The following NF2 variants were observed in gnomAD, a reference collection of about 807,000 sequenced individuals.
NF2 encodes the protein merlin.
A neutral mutation model predicts 83.7 loss-of-function variants in NF2; 8 were observed. That is an observed-to-expected ratio of 0.10 (90% CI 0.06 to 0.17). The LOEUF (loss-of-function observed/expected upper bound fraction) is 0.17. Ranked by LOEUF, NF2 falls within the 10% of genes least tolerant of loss-of-function variation. The probability of loss-of-function intolerance (pLI) is 1.00; values close to 1 mark genes in which losing one functional copy is unlikely to be tolerated. For synonymous variants in NF2, 266 were observed against 269.6 expected, an observed-to-expected ratio of 0.99 and a Z score of 0.13; for missense variants, 533 against 744.4, an observed-to-expected ratio of 0.72 and a Z score of 3.31.
intron 12 of NF2, among the ~76,000 whole-genome samples, chr22:29,674,176 T>A (rs1323639220): frequency 1.3e-5 from 2 of 152,242 alleles, no homozygotes; most frequent in Middle Eastern, 3.2e-3. Flanking sequence ...ACGCTTTGCA[T>A]GTCGTTCTGG....
intron 1 of NF2, among the ~76,000 whole-genome samples, chr22:29,625,192 G>T (rs1330706581): frequency 6.6e-6 from 1 of 152,072 alleles, no homozygotes; most frequent in Non-Finnish European, 1.5e-5. Flanking sequence ...CTCCCAAAGT[G>T]TTGGGATTAC....
intron 4 of NF2, among the ~76,000 whole-genome samples, chr22:29,644,125 G>C (rs1333091755): frequency 2.0e-5 from 3 of 151,770 alleles, no homozygotes; most frequent in Admixed American, 6.5e-5. Flanking sequence ...CTTCTCATAT[G>C]GGGCGGCTGC....
chr22:29,650,722 C>T (rs1266016784), intron 4 of NF2, among the ~76,000 whole-genome samples: 1 of 152,024 alleles, frequency 6.6e-6, no homozygotes, highest in African/African-American at 2.4e-5. Context: ...TCCGCCTCAG[C>T]CTCCAGAGGA....
intron 9 of NF2, among the ~76,000 whole-genome samples, chr22:29,666,343 G>A (rs1011638668): frequency 9.9e-5 from 15 of 152,066 alleles, no homozygotes; most frequent in African/African-American, 3.6e-4. Flanking sequence ...GTTTCACCAT[G>A]TTGGTCAGGC....
At chr22:29,608,226 G>GAGGGACTC (rs930377302) in intron 1 of NF2, among the ~76,000 whole-genome samples, 3 of 134,946 alleles carry the variant, frequency 2.2e-5, no homozygotes, top group African/African-American at 8.3e-5. Flanking sequence ...AAATTAACTA[G>GAGGGACTC]AGGGACTCAG....
chr22:29,607,145 G>A (rs1427180712), intron 1 of NF2, among the ~76,000 whole-genome samples: 1 of 152,124 alleles, frequency 6.6e-6, no homozygotes, highest in East Asian at 1.9e-4. Context: ...AAATACTACA[G>A]GTACCCCCAA....
chr22:29,639,030 G>A (rs2065725304), intron 2 of NF2, 60 bp from the exon 3 acceptor site: 1 of 1,612,876 alleles, frequency 6.2e-7, no homozygotes, highest in South Asian at 1.1e-5. Context: ...GCTTCTTTGA[G>A]GGTAGCACAG....
intron 8 of NF2, among the ~76,000 whole-genome samples, chr22:29,662,062 ATCT>A (rs2066493910): frequency 6.6e-6 from 1 of 152,152 alleles, no homozygotes; most frequent in Non-Finnish European, 1.5e-5. Context: ...ATAATGTATA[ATCT>A]TATGTTTACT....
At chr22:29,672,464 T>C (rs1309871978) in intron 11 of NF2, among the ~76,000 whole-genome samples, 1 of 150,846 alleles carries the variant, frequency 6.6e-6, no homozygotes, top group East Asian at 2.0e-4. Context: ...CAGGCATGCA[T>C]CACCATGCCC....
intron 4 of NF2, among the ~76,000 whole-genome samples, chr22:29,643,556 A>G (rs2065875198): frequency 1.3e-5 from 2 of 152,200 alleles, no homozygotes. Flanking sequence ...CCCTTAATCC[A>G]TTTAACCCTG....
rs988023836 is a variant in NF2, at chr22:29,636,265, A to G, written c.115-486A>G. Among the ~76,000 whole-genome samples, 1 of 152,036 alleles carries G rather than the reference A, an allele frequency of 6.6e-6. No homozygotes were observed. The highest frequency in any genetic ancestry group is 1.5e-5 in the Non-Finnish European group (1 of 68,014). ...TTCTCCATGATTTATGACTTTGATT[A>G]TGATTTCTTTATATTAAAAAAAAAC... On this transcript the variant is annotated intron_variant, in intron 1 of 15. Transcript: ENST00000338641. This position sits in a 1 kb window ranked among gnomAD's most constrained non-coding sequence, Gnocchi z 4.4.
At chr22:29,661,513 A>G (rs552365701) in intron 8 of NF2, among the ~76,000 whole-genome samples, 174 bp downstream of exon 8, 16 of 152,352 alleles carry the variant, frequency 1.1e-4, no homozygotes, top group African/African-American at 2.9e-4. Context: ...ATTGGCATCA[A>G]TAACCCCACT....
intron 14 of NF2, 129 bp downstream of exon 14, chr22:29,678,452 T>G: frequency 9.4e-7 from 1 of 1,065,810 alleles, no homozygotes; most frequent in Non-Finnish European, 1.4e-6. Flanking sequence ...AGGTTTGCTC[T>G]GCTCTTACAC....
intron 11 of NF2, 42 bp from the exon 12 acceptor site, chr22:29,673,227 A>G (rs2066856780): frequency 6.5e-7 from 1 of 1,545,804 alleles, no homozygotes; most frequent in Non-Finnish European, 8.8e-7. Context: ...GCGGGAGAAC[A>G]GCACATGATC....
At chr22:29,605,759 C>T (rs2064776957) in intron 1 of NF2, among the ~76,000 whole-genome samples, 1 of 152,176 alleles carries the variant, frequency 6.6e-6, no homozygotes, top group African/African-American at 2.4e-5. Flanking sequence ...TCATTCCCTC[C>T]TTACTCACTC....
intron 15 of NF2, among the ~76,000 whole-genome samples, chr22:29,685,968 T>TA (rs1490048795): frequency 6.6e-6 from 1 of 151,098 alleles, no homozygotes; most frequent in African/African-American, 2.4e-5. Flanking sequence ...TTTTTTTTTT[T>TA]ATTATACTTT....
intron 15 of NF2, chr22:29,684,257 A>G (rs1320704311): frequency 6.6e-6 from 1 of 152,418 alleles, no homozygotes; most frequent in Non-Finnish European, 1.5e-5. Flanking sequence ...CCTTGTTGGC[A>G]TTGATACCCT....
At chr22:29,655,505 T>G in intron 5 of NF2, 89 bp from the exon 6 acceptor site, 1 of 956,778 alleles carries the variant, frequency 1.0e-6, no homozygotes, top group South Asian at 1.3e-5. Flanking sequence ...TTTACTGTTT[T>G]GTAAAAATGA....
rs1031971478 is a variant in NF2, at chr22:29,695,340, G to A, written c.*538G>A. 3.0e-5 allele frequency: 8 copies of A among 263,894 alleles called. No homozygotes were observed. Among genetic ancestry groups the A allele is most frequent in the Non-Finnish European group, 4.4e-5 (6 of 135,128 alleles). 16.3% of individuals were successfully genotyped at this position (263,894 alleles called of 1,614,324 possible). On this transcript the variant is annotated 3_prime_UTR_variant, in exon 16 of 16. Transcript: ENST00000338641. The surrounding 1 kb of genome is among the most constrained non-coding windows in gnomAD (Gnocchi z 5.4). ...TCGTCAGGGAGCCCGCCCAGAGCTC[G>A]TGACGAGCAAGTGCTGGGTCCCCGC...
Sources: allele counts gnomAD v4.1 joint callset (sites outside exome capture counted in the v4.1 genomes callset), GRCh38; gene constraint gnomAD v4.1.1; non-coding constraint Gnocchi (gnomAD v3.1); transcripts MANE v1.5; gene names NCBI Gene and HGNC (gene_info 2026-07-23, HGNC 2026-07-21).